Variants in MLPH observed in about 807,000 individuals in gnomAD.
MLPH encodes exophilin-3.
Under a neutral mutation model 72.1 loss-of-function variants are expected in MLPH, and 51 were observed. The ratio of observed to expected loss-of-function variants is 0.71; its 90% CI spans 0.56 to 0.89. The LOEUF (loss-of-function observed/expected upper bound fraction) is 0.89, where lower values mean the gene tolerates loss of function less well. Among genes scored for constraint, MLPH ranks in the 40% least tolerant of loss-of-function variants. MLPH has a pLI of 0.00. For missense variants in MLPH, 743 were observed against 759.9 expected (o/e 0.98, Z 0.26); for synonymous variants, 301 against 310.1 (o/e 0.97, Z 0.31).
intron 9 of MLPH, among the ~76,000 whole-genome samples, chr2:237,539,648 G>A (rs546449498): frequency 6.6e-6 from 1 of 152,288 alleles, no homozygotes; most frequent in Admixed American, 6.5e-5. Context: ...CAGACAAGGT[G>A]GCCAGTGGAA....
chr2:237,488,795 C>A (rs1188168544), intron 1 of MLPH, among the ~76,000 whole-genome samples: 1 of 152,154 alleles, frequency 6.6e-6, no homozygotes, highest in Admixed American at 6.5e-5. Context: ...TGTCCCAGAG[C>A]CCTGTGGGCT....
chr2:237,510,743 C>T lies in MLPH; in HGVS notation c.280C>T (p.Arg94Cys), dbSNP rs781560142. ...CCTCTTCACCTGCAAAAGCTGTGGC[C>T]GCGTCCACCCGGAGGAGCAGGGCTG... ...CGLFTCKSCG[R>C]VHPEEQGWIC... The change falls in exon 3 of 16, where the codon CGC becomes TGC. Residue 94 changes from arginine (R) to cysteine (C), a missense_variant. Transcript: ENST00000264605. The surrounding 1 kb of genome is among the most constrained non-coding windows in gnomAD (Gnocchi z 4.4). 42 of 1,613,556 alleles carry T rather than the reference C, an allele frequency of 2.6e-5. No individual in the cohort carries two copies. The highest frequency in any genetic ancestry group is 6.7e-5 in the Admixed American group (4 of 60,004).
chr2:237,487,489 C>G (rs974751449), intron 1 of MLPH, 52 bp downstream of exon 1: 8 of 152,944 alleles, frequency 5.2e-5, no homozygotes, highest in African/African-American at 1.9e-4. Flanking sequence ...GCCCAGGACT[C>G]GGGGCTTAGG....
At chr2:237,500,028 G>A (rs949395687) in intron 2 of MLPH, among the ~76,000 whole-genome samples, 2 of 151,958 alleles carry the variant, frequency 1.3e-5, no homozygotes, top group Non-Finnish European at 2.9e-5. Context: ...TTACAGATGT[G>A]AGCCACTACA....
At chr2:237,507,062 CTTTTTTTTTTT>C (rs61091364) in intron 2 of MLPH, among the ~76,000 whole-genome samples, 54 of 94,528 alleles carry the variant, frequency 5.7e-4, no homozygotes, top group African/African-American at 2.1e-3. Context: ...TTTTTTTTTT[CTTTTTTTTTTT>C]TTTTTTTTTT....
intron 1 of MLPH, among the ~76,000 whole-genome samples, chr2:237,488,229 G>C (rs880930): frequency 0.24 from 35,795 of 152,102 alleles, 4,307 homozygotes; most frequent in South Asian, 0.34. Flanking sequence ...AATGACAGTC[G>C]GGGGAGAGCA....
intron 12 of MLPH, chr2:237,545,837 C>A: frequency 1.2e-5 from 3 of 252,620 alleles, no homozygotes; most frequent in South Asian, 5.7e-5. Flanking sequence ...TAAGTATACC[C>A]CATGCAACAT....
At chr2:237,522,665 G>A (rs2080214669) in intron 6 of MLPH, among the ~76,000 whole-genome samples, 1 of 152,192 alleles carries the variant, frequency 6.6e-6, no homozygotes, top group Non-Finnish European at 1.5e-5. Context: ...CTGGAGCGGA[G>A]CAGGGCTGAG....
chr2:237,488,208 T>A (rs1274267341), intron 1 of MLPH, among the ~76,000 whole-genome samples: 1 of 152,188 alleles, frequency 6.6e-6, no homozygotes, highest in Admixed American at 6.5e-5. Flanking sequence ...TATTTCTTTC[T>A]GAGGGAGTGA....
chr2:237,551,688 G>A (rs2081043346), intron 14 of MLPH, among the ~76,000 whole-genome samples: 1 of 152,176 alleles, frequency 6.6e-6, no homozygotes, highest in African/African-American at 2.4e-5. Flanking sequence ...ACAAAGGAAA[G>A]GCAAGGAAGC....
rs2079887913 is a variant in MLPH, at chr2:237,511,030, T to G, written c.374T>G (p.Val125Gly). 2 of 1,613,924 alleles carry G rather than the reference T, an allele frequency of 1.2e-6. No individual in the cohort carries two copies. The highest frequency in any genetic ancestry group is 1.7e-6 in the Non-Finnish European group (2 of 1,179,972). ...IGSLEWYYEHVKARFKRFGSA... is the reference protein window; with the variant it reads ...IGSLEWYYEHGKARFKRFGSA... ...TCACTGGAGTGGTACTATGAGCATG[T>G]GAAAGCCCGCTTCAAGAGGTTCGGA... The change falls in exon 4 of 16, where the codon GTG becomes GGG. Residue 125 changes from valine to glycine, a missense_variant. Val to Gly is a moderately radical substitution (Grantham distance 109, BLOSUM62 -3). Coordinates refer to ENST00000264605, the MANE Select transcript of MLPH (RefSeq NM_024101.7).
At chr2:237,501,231 G>A (rs926155566) in intron 2 of MLPH, among the ~76,000 whole-genome samples, 1 of 152,098 alleles carries the variant, frequency 6.6e-6, no homozygotes, top group African/African-American at 2.4e-5. Flanking sequence ...ACTGACCATG[G>A]AACGACTCCA....
chr2:237,503,872 C>T (rs1021833362), intron 2 of MLPH, among the ~76,000 whole-genome samples: 2 of 152,170 alleles, frequency 1.3e-5, no homozygotes, highest in African/African-American at 4.8e-5. Context: ...CCTCTGAATT[C>T]GTGAGGCTAT....
chr2:237,506,648 A>G (rs936857960), intron 2 of MLPH, among the ~76,000 whole-genome samples: 6 of 152,216 alleles, frequency 3.9e-5, no homozygotes, highest in Non-Finnish European at 5.9e-5. Flanking sequence ...TTTCCGTGCA[A>G]TGTCTGTAAT....
At chr2:237,539,503 G>A (rs1237604395) in intron 9 of MLPH, among the ~76,000 whole-genome samples, 2 of 152,174 alleles carry the variant, frequency 1.3e-5, no homozygotes, top group African/African-American at 2.4e-5. Context: ...TTGGCTGTAA[G>A]AGGCAATTGG....
At chr2:237,518,472 G>A in intron 4 of MLPH, 67 bp from the exon 5 acceptor site, 1 of 1,293,578 alleles carries the variant, frequency 7.7e-7, no homozygotes, top group Non-Finnish European at 1.1e-6. Flanking sequence ...ATGGGTGGAT[G>A]GGCTGACAAA....
At chr2:237,524,321 A>ATATATATATATATATAT (rs1559357447) in intron 6 of MLPH, among the ~76,000 whole-genome samples, 23 of 146,176 alleles carry the variant, frequency 1.6e-4, no homozygotes, top group African/African-American at 5.2e-4. Context: ...ATATATATAT[A>ATATATATATATATATAT]AAGGGGAGTT....
intron 2 of MLPH, among the ~76,000 whole-genome samples, chr2:237,509,816 C>T (rs900113123): frequency 5.3e-5 from 8 of 152,086 alleles, no homozygotes; most frequent in South Asian, 2.1e-4. Context: ...TCTGGGTGTC[C>T]GCCTCCAAAT....
chr2:237,534,839 C>T (rs1052600754), intron 9 of MLPH, among the ~76,000 whole-genome samples, 192 bp downstream of exon 9: 2 of 152,168 alleles, frequency 1.3e-5, no homozygotes, highest in African/African-American at 4.8e-5. Flanking sequence ...TCTGTCCCAT[C>T]CAGGCCTGCC....
Sources: allele counts gnomAD v4.1 joint callset (sites outside exome capture counted in the v4.1 genomes callset), GRCh38; gene constraint gnomAD v4.1.1; non-coding constraint Gnocchi (gnomAD v3.1); transcripts MANE v1.5; gene names NCBI Gene and HGNC (gene_info 2026-07-23, HGNC 2026-07-21).